TSHZ2: variants seen among roughly 807,000 people sequenced by gnomAD.
The protein encoded by TSHZ2 is teashirt homolog 2.
In TSHZ2, 21 loss-of-function variants were observed where a neutral mutation model predicts 74.4. The ratio of observed to expected loss-of-function variants is 0.28; its 90% CI spans 0.20 to 0.41. TSHZ2 has a LOEUF of 0.41. Among genes scored for constraint, TSHZ2 ranks in the 10% least tolerant of loss-of-function variants. The pLI, the probability that TSHZ2 is intolerant of heterozygous loss-of-function variation, is 1.00. For synonymous variants in TSHZ2, 540 were observed against 515.3 expected (o/e 1.05, Z -0.65); for missense variants, 1,244 against 1,293.5 (o/e 0.96, Z 0.59).
rs537070349 is a variant in TSHZ2 at position 53,229,198 on chromosome 20, A to G, written c.41-24301A>G. Among the ~76,000 whole-genome samples, 9 of 151,904 alleles carry G rather than the reference A, an allele frequency of 5.9e-5. No homozygotes were observed. In the East Asian group the frequency reaches 1.5e-3, roughly 26 times the overall value. ...ATGAAAGCTCAGTAAATTGTAATGA[A>G]TGAGCCCCAAAGTGACTTCCATCAA... On this transcript the variant is annotated intron_variant, in intron 1 of 2. Coordinates refer to ENST00000371497, the MANE Select transcript of TSHZ2 (RefSeq NM_173485.6).
At chr20:53,306,889 G>T (rs1978567325) in intron 2 of TSHZ2, among the ~76,000 whole-genome samples, 1 of 152,158 alleles carries the variant, frequency 6.6e-6, no homozygotes, top group South Asian at 2.1e-4. Context: ...GCTGCCATTA[G>T]TTGGACACCG....
chr20:53,370,997 T>G (rs1981448080), intron 2 of TSHZ2, among the ~76,000 whole-genome samples: 1 of 152,164 alleles, frequency 6.6e-6, no homozygotes, highest in South Asian at 2.1e-4. Context: ...CCTGGCCTCT[T>G]CCAGCTTCTG....
intron 2 of TSHZ2, among the ~76,000 whole-genome samples, chr20:53,362,246 A>G (rs1981091767): frequency 6.8e-6 from 1 of 147,534 alleles, no homozygotes; most frequent in Non-Finnish European, 1.5e-5. Context: ...GCGCAGTGGC[A>G]GGATCTCGGC....
At chr20:53,087,654 C>T (rs1568753155) in intron 1 of TSHZ2, among the ~76,000 whole-genome samples, 1 of 152,208 alleles carries the variant, frequency 6.6e-6, no homozygotes, top group Non-Finnish European at 1.5e-5. Context: ...TGGTAAAACT[C>T]TTGGAAAAGA....
rs1990456690 is a variant in TSHZ2 at position 53,255,702 on chromosome 20, G to T, written c.2244G>T (p.Arg748Ser). 2.5e-6 allele frequency: 4 copies of T among 1,600,584 alleles called. No homozygotes were observed. Among genetic ancestry groups the T allele is most frequent in the Non-Finnish European group, 3.4e-6 (4 of 1,173,326 alleles). ...DKPVLSPAST[R>S]SASVSRRYLF... ...CGGTCTTGAGTCCTGCCTCCACAAG[G>T]TCAGCCAGCGTGTCCAGGCGCTACC... The change falls in exon 2 of 3, where the codon AGG becomes AGT. Residue 748 changes from arginine to serine, a missense_variant. Coordinates refer to ENST00000371497, the MANE Select transcript of TSHZ2 (RefSeq NM_173485.6). The surrounding 1 kb of genome is among the most constrained non-coding windows in gnomAD (Gnocchi z 4.1).
chr20:53,390,255 C>T (rs1982201747), intron 2 of TSHZ2, among the ~76,000 whole-genome samples: 1 of 152,136 alleles, frequency 6.6e-6, no homozygotes, highest in South Asian at 2.1e-4. Context: ...GACAGAGTCA[C>T]ATTTGGAAGC....
rs529936930 is a variant in TSHZ2 at position 52,997,455 on chromosome 20, A to C, written c.40+24122A>C. 1.6e-4 allele frequency among the ~76,000 whole-genome samples: 24 copies of C among 152,288 alleles called. 1 individual carries two copies. The highest frequency in any genetic ancestry group is 5.8e-4 in the African/African-American group (24 of 41,578). ...CTTAATCCTTTAATGATTGAATATG[A>C]GACGAATTCGTGTTTGTAAGATTTC... On this transcript the variant is annotated intron_variant, in intron 1 of 2. Coordinates refer to ENST00000371497, the MANE Select transcript of TSHZ2 (RefSeq NM_173485.6).
chr20:53,482,666 G>A (rs1350552225), intron 2 of TSHZ2, among the ~76,000 whole-genome samples: 2 of 152,202 alleles, frequency 1.3e-5, no homozygotes, highest in African/African-American at 2.4e-5. Flanking sequence ...ACTTTGGGAG[G>A]CCAAGGCAGG....
chr20:53,093,033 A>C, intron 1 of TSHZ2, among the ~76,000 whole-genome samples: 1 of 152,332 alleles, frequency 6.6e-6, no homozygotes, highest in East Asian at 1.9e-4. Context: ...TAGGGAGCAC[A>C]GAAGAGATGC....
At chr20:53,230,500 A>G (rs73272849) in intron 1 of TSHZ2, among the ~76,000 whole-genome samples, 2,483 of 152,298 alleles carry the variant, frequency 0.016, 59 homozygotes, top group African/African-American at 0.057. Flanking sequence ...GAGAACACAA[A>G]TGTCATGCCA....
chr20:53,392,548 A>G (rs1982295423), intron 2 of TSHZ2, among the ~76,000 whole-genome samples: 1 of 152,240 alleles, frequency 6.6e-6, no homozygotes, highest in Non-Finnish European at 1.5e-5. Flanking sequence ...TTGTGCCAAC[A>G]GTTTTGTAGC....
chr20:53,064,806 C>T lies in TSHZ2; in HGVS notation c.40+91473C>T, dbSNP rs139648597. On this transcript the variant is annotated intron_variant, in intron 1 of 2. Transcript: ENST00000371497. ...AAAAAGAAAGTCTATGTGTGGATAT[C>T]TGGACTTTTGACTCATCCTGCCTTT... Among the ~76,000 whole-genome samples the T allele has an allele frequency of 1.6e-3, 243 of 152,180 alleles. 3 individuals are homozygous for T. Among genetic ancestry groups the T allele is most frequent in the African/African-American group, 5.5e-3 (228 of 41,508 alleles).
chr20:53,257,576 G>C (rs1990509879), intron 2 of TSHZ2, among the ~76,000 whole-genome samples: 2 of 152,176 alleles, frequency 1.3e-5, no homozygotes, highest in South Asian at 2.1e-4. Flanking sequence ...GATAAGCAAG[G>C]CTGGGTCTTA....
chr20:53,455,702 A>C (rs1985039938), intron 2 of TSHZ2, among the ~76,000 whole-genome samples: 1 of 151,756 alleles, frequency 6.6e-6, no homozygotes, highest in South Asian at 2.1e-4. Flanking sequence ...TCCCAATGCT[A>C]TCCCTCCCCC....
At chr20:53,219,981 GAGAC>G (rs1284885750) in intron 1 of TSHZ2, among the ~76,000 whole-genome samples, 1 of 152,190 alleles carries the variant, frequency 6.6e-6, no homozygotes, top group Non-Finnish European at 1.5e-5. Flanking sequence ...TCGAAAAACA[GAGAC>G]AGAGAGCTAG....
intron 2 of TSHZ2, among the ~76,000 whole-genome samples, chr20:53,383,087 C>G (rs914370798): frequency 6.6e-6 from 1 of 151,802 alleles, no homozygotes; most frequent in Non-Finnish European, 1.5e-5. Flanking sequence ...ATGGTGAAAC[C>G]CCGTCTCTAA....
At chr20:53,368,223 A>G (rs1030483677) in intron 2 of TSHZ2, among the ~76,000 whole-genome samples, 1 of 151,206 alleles carries the variant, frequency 6.6e-6, no homozygotes, top group Admixed American at 6.6e-5. Context: ...CAGCTACGAG[A>G]TCTTTACACA....
At chr20:53,448,495 T>C (rs909063353) in intron 2 of TSHZ2, among the ~76,000 whole-genome samples, 3 of 152,200 alleles carry the variant, frequency 2.0e-5, no homozygotes, top group Non-Finnish European at 4.4e-5. Context: ...TGTAACTTTC[T>C]CAAGTTTTAA....
chr20:52,974,020 A>C (rs1981234865), intron 1 of TSHZ2, among the ~76,000 whole-genome samples: 1 of 152,220 alleles, frequency 6.6e-6, no homozygotes, highest in Non-Finnish European at 1.5e-5. Context: ...AGAGAGTTGC[A>C]AACTTTGTGA....
Sources: allele counts gnomAD v4.1 joint callset (sites outside exome capture counted in the v4.1 genomes callset), GRCh38; gene constraint gnomAD v4.1.1; non-coding constraint Gnocchi (gnomAD v3.1); transcripts MANE v1.5; gene names NCBI Gene and HGNC (gene_info 2026-07-23, HGNC 2026-07-21).